The following MAGI2 variants were observed in gnomAD, a reference collection of about 807,000 sequenced individuals.
MAGI2 encodes membrane-associated guanylate kinase, WW and PDZ domain-containing protein 2.
In MAGI2, 35 loss-of-function variants were observed where a neutral mutation model predicts 133.3. The observed-to-expected ratio is 0.26, with a 90% CI of 0.20 to 0.35. The LOEUF (loss-of-function observed/expected upper bound fraction) is 0.35, where lower values mean the gene tolerates loss of function less well. Among genes scored for constraint, MAGI2 ranks in the 10% least tolerant of loss-of-function variants. The pLI, the probability that MAGI2 is intolerant of heterozygous loss-of-function variation, is 1.00. For synonymous variants in MAGI2, 729 were observed against 710.6 expected, an observed-to-expected ratio of 1.03 and a Z score of -0.41; for missense variants, 1,636 against 1,863.4, an observed-to-expected ratio of 0.88 and a Z score of 2.25.
intron 7 of MAGI2, among the ~76,000 whole-genome samples, chr7:78,349,040 G>A (rs1791214943): frequency 6.6e-6 from 1 of 152,142 alleles, no homozygotes; most frequent in African/African-American, 2.4e-5. Context: ...TGAATAAAGA[G>A]ATTTCTGTGA....
intron 10 of MAGI2, among the ~76,000 whole-genome samples, chr7:78,201,735 G>A (rs953404897): frequency 2.0e-5 from 3 of 152,050 alleles, no homozygotes; most frequent in Non-Finnish European, 4.4e-5. Flanking sequence ...ACTGAGATGG[G>A]GCAGATTTCT....
intron 6 of MAGI2, among the ~76,000 whole-genome samples, chr7:78,410,742 GA>G (rs973455876): frequency 4.0e-5 from 6 of 151,194 alleles, no homozygotes; most frequent in African/African-American, 7.3e-5. Flanking sequence ...CTACCTGGGG[GA>G]AAAAAAAGCA....
At chr7:78,966,616 A>G (rs543121488) in intron 2 of MAGI2, among the ~76,000 whole-genome samples, 3 of 152,246 alleles carry the variant, frequency 2.0e-5, no homozygotes, top group East Asian at 3.9e-4. Context: ...GGCTATTGTG[A>G]ATAATCCCTC....
At chr7:78,304,993 T>C (rs538844394) in intron 9 of MAGI2, among the ~76,000 whole-genome samples, 58 of 152,242 alleles carry the variant, frequency 3.8e-4, no homozygotes, top group African/African-American at 1.3e-3. Flanking sequence ...ATTGATTTGG[T>C]TTTTATTGCT....
chr7:78,358,012 G>C (rs1300916133), intron 7 of MAGI2, among the ~76,000 whole-genome samples: 1 of 149,414 alleles, frequency 6.7e-6, no homozygotes, highest in Non-Finnish European at 1.5e-5. Flanking sequence ...TTAAAAAAAA[G>C]AAAAACAGGT....
chr7:78,060,240 A>ACAACC, intron 21 of MAGI2, among the ~76,000 whole-genome samples: 1 of 111,112 alleles, frequency 9.0e-6, no homozygotes, highest in East Asian at 3.6e-4. Context: ...AAAAAACAAA[A>ACAACC]GGGACCCCCC....
At chr7:78,364,363 C>T (rs1379403853) in intron 7 of MAGI2, among the ~76,000 whole-genome samples, 3 of 152,208 alleles carry the variant, frequency 2.0e-5, no homozygotes, top group African/African-American at 4.8e-5. Context: ...TTCAAGTTCT[C>T]TCTAACCACT....
intron 1 of MAGI2, among the ~76,000 whole-genome samples, chr7:79,123,286 T>C (rs899382501): frequency 6.6e-6 from 1 of 152,178 alleles, no homozygotes; most frequent in African/African-American, 2.4e-5. Flanking sequence ...CAGCTTCTCT[T>C]TTTCTCTTTC....
chr7:79,443,285 C>CGTGTGTGT (rs10600873), intron 1 of MAGI2, among the ~76,000 whole-genome samples: 2,509 of 139,328 alleles, frequency 0.018, 41 homozygotes, highest in African/African-American at 0.033. Context: ...TGTGTGTGTG[C>CGTGTGTGT]GTGTGTGTGT....
intron 1 of MAGI2, among the ~76,000 whole-genome samples, chr7:79,341,349 T>G (rs1451698147): frequency 1.3e-5 from 2 of 152,114 alleles, no homozygotes; most frequent in Non-Finnish European, 2.9e-5. Flanking sequence ...AAATGTCAGT[T>G]TCCTTTATTC....
intron 9 of MAGI2, among the ~76,000 whole-genome samples, chr7:78,272,010 TC>T (rs1308739615): frequency 6.6e-6 from 1 of 152,188 alleles, no homozygotes; most frequent in African/African-American, 2.4e-5. Context: ...TGTTCTTGCT[TC>T]TCTAGTTCTT....
chr7:79,288,054 ATATATATGTGTGTGTT>A (rs1390745327), intron 1 of MAGI2, among the ~76,000 whole-genome samples: 1 of 152,148 alleles, frequency 6.6e-6, no homozygotes, highest in African/African-American at 2.4e-5. Context: ...TTATCAACGC[ATATATATGTGTGTGTT>A]TATATATGCA....
intron 1 of MAGI2, among the ~76,000 whole-genome samples, chr7:79,167,917 C>T (rs555961705): frequency 1.5e-4 from 23 of 152,192 alleles, no homozygotes; most frequent in Middle Eastern, 3.4e-3. Context: ...GCAAGGAACA[C>T]CCGGCCTGCC....
chr7:78,954,103 AT>A (rs1802089173), intron 2 of MAGI2, among the ~76,000 whole-genome samples: 1 of 152,096 alleles, frequency 6.6e-6, no homozygotes, highest in African/African-American at 2.4e-5. Flanking sequence ...CGCCTTTGTC[AT>A]CTTAAAATGT....
chr7:79,206,591 A>G (rs112026802), intron 1 of MAGI2, among the ~76,000 whole-genome samples: 3,949 of 152,072 alleles, frequency 0.026, 84 homozygotes, highest in East Asian at 0.04. Context: ...TCGGTTATCA[A>G]AGAAAAGCCC....
At chr7:78,744,781 C>T (rs1377779031) in intron 2 of MAGI2, among the ~76,000 whole-genome samples, 1 of 152,118 alleles carries the variant, frequency 6.6e-6, no homozygotes, top group Non-Finnish European at 1.5e-5. Flanking sequence ...TTAAAACTTA[C>T]AGACAATTTA....
At chr7:78,258,162 A>G (rs965851148) in intron 9 of MAGI2, among the ~76,000 whole-genome samples, 1 of 152,174 alleles carries the variant, frequency 6.6e-6, no homozygotes, top group East Asian at 1.9e-4. Context: ...CATAATGTCT[A>G]TCAGAGAGGG....
chr7:79,137,578 G>T (rs568287200), intron 1 of MAGI2, among the ~76,000 whole-genome samples: 1 of 150,980 alleles, frequency 6.6e-6, no homozygotes, highest in Admixed American at 6.6e-5. Context: ...TCAGCCTCCC[G>T]TGCAGCTGGG....
chr7:79,219,245 T>C (rs1830257914), intron 1 of MAGI2, among the ~76,000 whole-genome samples: 1 of 151,942 alleles, frequency 6.6e-6, no homozygotes, highest in East Asian at 1.9e-4. Flanking sequence ...ACTCACAGAT[T>C]AAAGTTTTTC....
Sources: gnomAD v4.1 joint callset for allele counts (sites outside exome capture counted in the v4.1 genomes callset) on GRCh38, gnomAD v4.1.1 for gene constraint, MANE v1.5 for transcripts, NCBI Gene and HGNC (gene_info 2026-07-23, HGNC 2026-07-21) for gene names.